The following GLCCI1 variants were observed in gnomAD, a reference collection of about 807,000 sequenced individuals.
The protein encoded by GLCCI1 is glucocorticoid induced 1, also known as glucocorticoid-induced transcript 1 protein.
In GLCCI1, 24 loss-of-function variants were observed where a neutral mutation model predicts 52.2. The observed-to-expected ratio is 0.46, with a 90% CI of 0.33 to 0.65. The LOEUF (loss-of-function observed/expected upper bound fraction) is 0.65. GLCCI1 is among the 30% of genes least tolerant of loss of function. The pLI, the probability that GLCCI1 is intolerant of heterozygous loss-of-function variation, is 0.02. For synonymous variants in GLCCI1, 310 were observed against 276.5 expected (o/e 1.12, Z -1.20); for missense variants, 704 against 701.5 (o/e 1.00, Z -0.04).
At chr7:8,053,322 T>TG (rs1488734742) in intron 3 of GLCCI1, among the ~76,000 whole-genome samples, 3 of 98,012 alleles carry the variant, frequency 3.1e-5, no homozygotes, top group African/African-American at 1.4e-4. Flanking sequence ...TTCGTTTTTT[T>TG]TTTTGTTTGT....
rs914958119 is a variant in GLCCI1, at chr7:8,084,716, A to G, written c.1178-181A>G. On this transcript the variant is annotated intron_variant, in intron 6 of 7. Transcript: ENST00000223145. ...CTATGGTGTGGCAGATGACTGTTGCATTGCAGTTTTTATTTAGAAGAAATG... is the reference window on the plus strand; with the variant it reads ...CTATGGTGTGGCAGATGACTGTTGCGTTGCAGTTTTTATTTAGAAGAAATG... 9 of 551,012 alleles carry G rather than the reference A, an allele frequency of 1.6e-5. No individual in the cohort carries two copies. In the Admixed American group the frequency reaches 2.5e-4, roughly 16 times the overall value. 34.1% of individuals were successfully genotyped at this position (551,012 alleles called of 1,614,324 possible).
intron 5 of GLCCI1, among the ~76,000 whole-genome samples, chr7:8,063,423 G>T (rs983116411): frequency 2.6e-5 from 4 of 151,694 alleles, no homozygotes; most frequent in Non-Finnish European, 5.9e-5. Context: ...TAGGATTACA[G>T]GTGTGAGCCA....
intron 3 of GLCCI1, among the ~76,000 whole-genome samples, chr7:8,050,077 C>T (rs1255645160): frequency 3.3e-5 from 5 of 151,918 alleles, no homozygotes; most frequent in Admixed American, 6.6e-5. Flanking sequence ...TCTGGGGGTT[C>T]GGGGGTGCGT....
At chr7:8,061,101 CT>C (rs1183119492) in intron 5 of GLCCI1, among the ~76,000 whole-genome samples, 1,846 of 138,796 alleles carry the variant, frequency 0.013, 38 homozygotes, top group African/African-American at 0.04. Flanking sequence ...TGCTAGTGAT[CT>C]TTTTTTTTTT....
chr7:7,980,669 G>T (rs1780595054), intron 1 of GLCCI1: 1 of 805,446 alleles, frequency 1.2e-6, no homozygotes, highest in Non-Finnish European at 2.1e-6. Context: ...AAGAAGAAGG[G>T]CACAATGTCC....
chr7:7,999,487 A>G (rs1196835555), intron 1 of GLCCI1, among the ~76,000 whole-genome samples: 1 of 152,072 alleles, frequency 6.6e-6, no homozygotes, highest in Non-Finnish European at 1.5e-5. Flanking sequence ...GCACACCTAT[A>G]GTCCTAACTA....
intron 5 of GLCCI1, among the ~76,000 whole-genome samples, chr7:8,063,299 G>A (rs1325801340): frequency 3.3e-5 from 5 of 151,258 alleles, no homozygotes; most frequent in South Asian, 2.1e-4. Context: ...TGCCATGCCC[G>A]ACTAACTTTT....
intron 2 of GLCCI1, among the ~76,000 whole-genome samples, chr7:8,013,612 A>G (rs1256020115): frequency 6.6e-6 from 1 of 152,204 alleles, no homozygotes; most frequent in Non-Finnish European, 1.5e-5. Flanking sequence ...TTGTTACCAT[A>G]TTGAATCTTA....
rs1178893369 is a variant in GLCCI1, at chr7:8,087,828, C to T, written c.*1290C>T. On this transcript the variant is annotated 3_prime_UTR_variant, in exon 8 of 8. Coordinates refer to ENST00000223145, the MANE Select transcript of GLCCI1 (RefSeq NM_138426.4). ...CATGAGTAGTTTTGAAATTTGCAAC[C>T]TGTGAGGTAGAGCATAAACTCAAGA... The T allele has an allele frequency of 1.3e-5, 2 of 152,538 alleles. No homozygotes were observed. Among genetic ancestry groups the T allele is most frequent in the African/African-American group, 4.8e-5 (2 of 41,408 alleles). 9.4% of individuals were successfully genotyped at this position (152,538 alleles called of 1,614,324 possible).
intron 3 of GLCCI1, among the ~76,000 whole-genome samples, chr7:8,032,706 T>C (rs1781781912): frequency 6.6e-6 from 1 of 151,868 alleles, no homozygotes; most frequent in African/African-American, 2.4e-5. Context: ...AAAGCTGACT[T>C]AGGAACAAAT....
Position 8,087,526 on chromosome 7 carries a change from GA to G in GLCCI1, c.*989del, listed in dbSNP as rs1249732426. 3 of 152,608 alleles carry G rather than the reference GA, an allele frequency of 2.0e-5. No homozygotes were observed. The highest frequency in any genetic ancestry group is 1.3e-4 in the Admixed American group (2 of 15,276). The allele number at this position is 152,608 out of a possible 1,614,324, so 9.5% of individuals were successfully genotyped here. ...GTGAAGTGTTTGACGGAATGGTTGA[GA>G]TTTTTTTGTTTATGTTAGCCATCAG... On this transcript the variant is annotated 3_prime_UTR_variant, in exon 8 of 8. Coordinates refer to ENST00000223145, the MANE Select transcript of GLCCI1 (RefSeq NM_138426.4).
intron 3 of GLCCI1, among the ~76,000 whole-genome samples, chr7:8,037,957 C>G (rs963370567): frequency 2.0e-5 from 3 of 152,052 alleles, no homozygotes; most frequent in Non-Finnish European, 2.9e-5. Context: ...ACTTCAGCCC[C>G]CCACTGACAG....
intron 6 of GLCCI1, among the ~76,000 whole-genome samples, chr7:8,075,835 A>T (rs1782864448): frequency 6.6e-6 from 1 of 152,230 alleles, no homozygotes; most frequent in Admixed American, 6.5e-5. Context: ...ATTTTCCTGA[A>T]GGAACAGTGT....
At chr7:8,075,115 T>G (rs1411666100) in intron 6 of GLCCI1, among the ~76,000 whole-genome samples, 1 of 152,244 alleles carries the variant, frequency 6.6e-6, no homozygotes, top group Non-Finnish European at 1.5e-5. Flanking sequence ...ATGTATAATT[T>G]GAGACCTATA....
intron 3 of GLCCI1, among the ~76,000 whole-genome samples, chr7:8,049,774 ACAGTATT>A (rs1400792530): frequency 5.9e-5 from 9 of 152,224 alleles, no homozygotes; most frequent in Non-Finnish European, 8.8e-5. Context: ...GAACATTCAC[ACAGTATT>A]CAGTAGCATC....
At chr7:8,055,673 A>G (rs1782373370) in intron 4 of GLCCI1, 124 bp downstream of exon 4, 1 of 692,802 alleles carries the variant, frequency 1.4e-6, no homozygotes, top group African/African-American at 1.8e-5. Flanking sequence ...AGTTTGTTAA[A>G]TTGTTATAAA....
At chr7:7,997,036 T>A (rs1780951007) in intron 1 of GLCCI1, among the ~76,000 whole-genome samples, 1 of 152,216 alleles carries the variant, frequency 6.6e-6, no homozygotes, top group Non-Finnish European at 1.5e-5. Context: ...ATTTTATATG[T>A]CAAGGAGGAA....
intron 4 of GLCCI1, among the ~76,000 whole-genome samples, chr7:8,058,509 G>A (rs1782449520): frequency 6.6e-6 from 1 of 152,108 alleles, no homozygotes; most frequent in Admixed American, 6.5e-5. Flanking sequence ...GCAATTAAGT[G>A]GCACTCTGCC....
chr7:8,084,115 A>T (rs1271335556), intron 6 of GLCCI1, among the ~76,000 whole-genome samples: 1 of 152,238 alleles, frequency 6.6e-6, no homozygotes, highest in Non-Finnish European at 1.5e-5. Flanking sequence ...TTATAAAAAT[A>T]ATGACACATT....
Sources: gnomAD v4.1 joint callset for allele counts (sites outside exome capture counted in the v4.1 genomes callset) on GRCh38, gnomAD v4.1.1 for gene constraint, MANE v1.5 for transcripts, NCBI Gene and HGNC (gene_info 2026-07-23, HGNC 2026-07-21) for gene names.